IRX1: variants seen among roughly 807,000 people sequenced by gnomAD.
IRX1 encodes iroquois homeobox 1.
IRX1 carries 22 observed loss-of-function variants against 34.1 expected under a neutral mutation model. The ratio of observed to expected loss-of-function variants is 0.64; its 90% CI spans 0.46 to 0.92. IRX1 has a LOEUF of 0.92. Ranked by LOEUF, IRX1 falls within the 40% of genes least tolerant of loss-of-function variation. IRX1 has a pLI of 0.00. For missense variants in IRX1, 758 were observed against 680.0 expected (o/e 1.11, Z -1.28); for synonymous variants, 363 against 319.0 (o/e 1.14, Z -1.47).
In IRX1 at chr5:3,601,213, C is replaced by T. The variant is rs566509194; in HGVS notation, c.*173C>T. 3.0e-6 allele frequency: 2 copies of T among 667,916 alleles called. No individual in the cohort carries two copies. The highest frequency in any genetic ancestry group is 5.2e-6 in the Non-Finnish European group (2 of 386,364). The allele number at this position is 667,916 out of a possible 1,614,324, so 41.4% of individuals were successfully genotyped here. A position where few individuals can be genotyped will look rare whatever the true frequency, so the allele number is the denominator to read the frequency against. ...AGAAAGGGGCTTCTTCGGTCCCGAGCTCGCGTCCAGGTGGCCAGGCCTCTG... is the reference window on the plus strand; with the variant it reads ...AGAAAGGGGCTTCTTCGGTCCCGAGTTCGCGTCCAGGTGGCCAGGCCTCTG... On this transcript the variant is annotated 3_prime_UTR_variant, in exon 4 of 4. Coordinates refer to ENST00000302006, the MANE Select transcript of IRX1 (RefSeq NM_024337.4).
rs1269537611 is a variant in IRX1 at position 3,599,674 on chromosome 5, C to A, written c.726C>A (p.Asn242Lys). ...ACGAGCACGATGGCGACCAGAGCAA[C>A]GAGGATGACGAGGACAAGGCCGAGG... ...KIDEHDGDQS[N>K]EDDEDKAEAP... Residue 242 changes from asparagine to lysine, a missense_variant, in exon 2 of 4, where the codon AAC (asparagine) becomes AAA (lysine). Around this residue, in one of 3 missense-constraint regions of IRX1, gnomAD observed 529 missense variants for 418.8 expected, o/e 1.26. Coordinates refer to ENST00000302006, the MANE Select transcript of IRX1 (RefSeq NM_024337.4). This position sits in a 1 kb window ranked among gnomAD's most constrained non-coding sequence, Gnocchi z 6.6. 1 of 1,613,412 alleles carries A rather than the reference C, an allele frequency of 6.2e-7. No homozygotes were observed. The highest frequency in any genetic ancestry group is 1.3e-5 in the African/African-American group (1 of 74,930).
rs539540642 is a variant in IRX1 at position 3,601,064 on chromosome 5, C to CG, written c.*31dup. On this transcript the variant is annotated 3_prime_UTR_variant, in exon 4 of 4. Coordinates refer to ENST00000302006, the MANE Select transcript of IRX1 (RefSeq NM_024337.4). The stretch of plus-strand genomic sequence containing the variant: ...GATTAAGGGTCTTCTTTTACTTTTG[C>CG]GGGGGGGAGGGGGGAGGAGTTGGGG... The CG allele has an allele frequency of 5.6e-5, 55 of 984,420 alleles. No homozygotes were observed. The East Asian group carries it at 1.4e-3, about 25-fold the overall frequency. The allele number at this position is 984,420 out of a possible 1,614,324, so 61.0% of individuals were successfully genotyped here. A position where few individuals can be genotyped will look rare whatever the true frequency, so the allele number is the denominator to read the frequency against.
rs1369354109 is a variant in IRX1, at chr5:3,595,890, G to A, written c.-216G>A. On this transcript the variant is annotated 5_prime_UTR_variant, in exon 1 of 4. Transcript: ENST00000302006. ...GCCGCCGCAGTCGGCGCGCGATTGC[G>A]GATCCGGGCGCAGCCGGGAGCCGGG... Among the ~76,000 whole-genome samples, 1 of 150,986 alleles carries A rather than the reference G, an allele frequency of 6.6e-6. No individual in the cohort carries two copies. The highest frequency in any genetic ancestry group is 1.5e-5 in the Non-Finnish European group (1 of 67,590).
chr5:3,601,045 G>A lies in IRX1; in HGVS notation c.*5G>A, dbSNP rs778539838. ...GCAGCCCTCCCGTCCGCCTGATTAAGGGTCTTCTTTTACTTTTGCGGGGGG... is the reference window on the plus strand; with the variant it reads ...GCAGCCCTCCCGTCCGCCTGATTAAAGGTCTTCTTTTACTTTTGCGGGGGG... On this transcript the variant is annotated 3_prime_UTR_variant, in exon 4 of 4. Transcript: ENST00000302006. 1.2e-6 allele frequency: 2 copies of A among 1,610,976 alleles called. No homozygotes were observed. Among genetic ancestry groups the A allele is most frequent in the South Asian group, 1.1e-5 (1 of 90,934 alleles).
chr5:3,598,241 T>G (rs72725060), intron 1 of IRX1, among the ~76,000 whole-genome samples: 14,676 of 152,260 alleles, frequency 0.096, 1,090 homozygotes, highest in Admixed American at 0.2. Flanking sequence ...AATGAGGTTG[T>G]TAGAAAGATA....
rs756315432 is a variant in IRX1, at chr5:3,596,309, G to T, written c.204G>T (p.Gly68=). Residue 68 remains glycine (G), a synonymous_variant, in exon 1 of 4, where the codon GGG becomes GGT. Coordinates refer to ENST00000302006, the MANE Select transcript of IRX1 (RefSeq NM_024337.4). ...TGCTGGGCATGTACGCGGCGGCGGGGCCGTACGCGGGCGCGCCCAACTACA... is the reference window on the plus strand; with the variant it reads ...TGCTGGGCATGTACGCGGCGGCGGGTCCGTACGCGGGCGCGCCCAACTACA... ...TSVLGMYAAA[G]PYAGAPNYSA... 2.0e-6 allele frequency: 3 copies of T among 1,478,040 alleles called. No individual in the cohort carries two copies. The highest frequency in any genetic ancestry group is 2.5e-4 in the Middle Eastern group (1 of 4,044). 91.6% of individuals were successfully genotyped at this position (1,478,040 alleles called of 1,614,324 possible).
intron 1 of IRX1, among the ~76,000 whole-genome samples, chr5:3,597,341 G>C (rs1733806567): frequency 6.6e-6 from 1 of 152,162 alleles, no homozygotes; most frequent in Admixed American, 6.5e-5. Flanking sequence ...TGCGGCGGGC[G>C]CGGGGCCCTG....
chr5:3,596,033 C>A lies in IRX1; in HGVS notation c.-73C>A. 1.0e-6 allele frequency: 1 copy of A among 977,298 alleles called. No individual in the cohort carries two copies. Among genetic ancestry groups the A allele is most frequent in the South Asian group, 4.7e-5 (1 of 21,354 alleles). 60.5% of individuals were successfully genotyped at this position (977,298 alleles called of 1,614,324 possible). On this transcript the variant is annotated 5_prime_UTR_variant, in exon 1 of 4. Coordinates refer to ENST00000302006, the MANE Select transcript of IRX1 (RefSeq NM_024337.4). ...CCCTCGCGGCGCCCCCTGCAACCCC[C>A]TCCGGCCGGCCTCCGCCTCCCTCCC... is the stretch of plus-strand genomic sequence containing the variant.
At position 3,599,651 on chromosome 5, in the gene IRX1, G is replaced by A. The variant is rs748110507; in HGVS notation, c.703G>A (p.Glu235Lys). 7 of 1,613,792 alleles carry A rather than the reference G, an allele frequency of 4.3e-6. No homozygotes were observed. The highest frequency in any genetic ancestry group is 5.9e-6 in the Non-Finnish European group (7 of 1,180,020). The part of the protein sequence containing the change: ...LESIDIDKID[E>K]HDGDQSNEDD... ...AAGCATCGACATTGACAAGATCGACGAGCACGATGGCGACCAGAGCAACGA... is the reference window on the plus strand; with the variant it reads ...AAGCATCGACATTGACAAGATCGACAAGCACGATGGCGACCAGAGCAACGA... The change falls in exon 2 of 4, where the codon GAG (glutamate) becomes AAG (lysine). Residue 235 changes from glutamate to lysine, a missense_variant. Glu to Lys is a moderately conservative substitution (Grantham distance 56). This residue lies in a region of IRX1 where 529 missense variants were observed against 418.8 expected (regional missense o/e 1.26). Transcript: ENST00000302006. This position sits in a 1 kb window ranked among gnomAD's most constrained non-coding sequence, Gnocchi z 6.6.
rs1336599063 is a variant in IRX1 at position 3,599,797 on chromosome 5, C to T, written c.849C>T (p.Gly283=). Residue 283 remains glycine, a synonymous_variant, in exon 2 of 4, where the codon GGC becomes GGT. Transcript: ENST00000302006. This position sits in a 1 kb window ranked among gnomAD's most constrained non-coding sequence, Gnocchi z 6.6. ...DVLKPQDSPL[G]LAKEAPEPGS... ...TCAAGCCCCAGGACTCGCCCTTGGG[C>T]CTGGCAAAGGAGGCCCCAGAGCCGG... 6.9e-6 allele frequency: 11 copies of T among 1,597,034 alleles called. No homozygotes were observed. Among genetic ancestry groups the T allele is most frequent in the African/African-American group, 2.7e-5 (2 of 74,668 alleles).
chr5:3,599,428 G>A lies in IRX1; in HGVS notation c.480G>A (p.Lys160=). ...RKNPYPTKGE[K]IMLAIITKMT... is the part of the protein sequence containing the mutation. Reference sequence around the variant, plus strand: ...ATCCCTACCCCACCAAGGGCGAGAAGATCATGCTGGCCATCATCACCAAGA... The same window carrying A: ...ATCCCTACCCCACCAAGGGCGAGAAAATCATGCTGGCCATCATCACCAAGA... The change falls in exon 2 of 4, where the codon AAG becomes AAA. Residue 160 remains lysine (K), a synonymous_variant. Coordinates refer to ENST00000302006, the MANE Select transcript of IRX1 (RefSeq NM_024337.4). This position sits in a 1 kb window ranked among gnomAD's most constrained non-coding sequence, Gnocchi z 6.6. 6.2e-7 allele frequency: 1 copy of A among 1,614,102 alleles called. No individual in the cohort carries two copies. The highest frequency in any genetic ancestry group is 8.5e-7 in the Non-Finnish European group (1 of 1,180,034).
chr5:3,597,864 G>A (rs538057168), intron 1 of IRX1, among the ~76,000 whole-genome samples: 3 of 152,160 alleles, frequency 2.0e-5, no homozygotes, highest in African/African-American at 7.2e-5. Flanking sequence ...CATTTTTTCA[G>A]AGGATGAATA....
chr5:3,596,030 C>A lies in IRX1; in HGVS notation c.-76C>A. ...GACCCCTCGCGGCGCCCCCTGCAAC[C>A]CCCTCCGGCCGGCCTCCGCCTCCCT... On this transcript the variant is annotated 5_prime_UTR_variant, in exon 1 of 4. Transcript: ENST00000302006. 2 of 959,480 alleles carry A rather than the reference C, an allele frequency of 2.1e-6. No homozygotes were observed. Among genetic ancestry groups the A allele is most frequent in the Non-Finnish European group, 2.5e-6 (2 of 800,584 alleles). The allele number at this position is 959,480 out of a possible 1,614,324, so 59.4% of individuals were successfully genotyped here.
rs1263030959 is a variant in IRX1, at chr5:3,600,612, G to C, written c.1316G>C (p.Arg439Thr). 1.9e-6 allele frequency: 3 copies of C among 1,613,632 alleles called. No individual in the cohort carries two copies. The highest frequency in any genetic ancestry group is 3.3e-5 in the Admixed American group (2 of 60,028). The change falls in exon 3 of 4, where the codon AGA becomes ACA. Residue 439 changes from arginine to threonine, a missense_variant. Transcript: ENST00000302006. The part of the protein sequence containing the change: ...SVRSSPTLPE[R>T]DLVPRPDSPA... ...TGCCTCTTCCGATCTCTCGCAGAGA[G>C]AGACCTCGTCCCCAGGCCAGATTCG...
intron 1 of IRX1, among the ~76,000 whole-genome samples, chr5:3,598,576 A>G (rs752106881): frequency 2.6e-5 from 4 of 152,214 alleles, no homozygotes; most frequent in Admixed American, 1.3e-4. Flanking sequence ...AAAATTTTAA[A>G]TTACCTGTCA....
chr5:3,596,338 C>A lies in IRX1; in HGVS notation c.233C>A (p.Ala78Asp). 1 of 1,531,300 alleles carries A rather than the reference C, an allele frequency of 6.5e-7. No individual in the cohort carries two copies. Among genetic ancestry groups the A allele is most frequent in the East Asian group, 2.7e-5 (1 of 36,978 alleles). The allele number at this position is 1,531,300 out of a possible 1,614,324, so 94.9% of individuals were successfully genotyped here. ...GPYAGAPNYSAFLPYAADLSL... is the reference protein window; with the variant it reads ...GPYAGAPNYSDFLPYAADLSL... ...TACGCGGGCGCGCCCAACTACAGCG[C>A]CTTCCTGCCCTACGCCGCGGATCTC... is the stretch of plus-strand genomic sequence containing the variant. The change falls in exon 1 of 4, where the codon GCC (alanine) becomes GAC (aspartate). Residue 78 changes from alanine (A) to aspartate (D), a missense_variant. By Grantham distance (126) the Ala-to-Asp change is moderately radical (BLOSUM62 -2). Transcript: ENST00000302006.
At position 3,600,106 on chromosome 5, in the gene IRX1, C is replaced by T; in HGVS notation, c.1158C>T (p.Leu386=). Residue 386 remains leucine (L), a synonymous_variant, in exon 2 of 4, where the codon CTC becomes CTT. Coordinates refer to ENST00000302006, the MANE Select transcript of IRX1 (RefSeq NM_024337.4). ...CATTCCTCGCACAGGGCTCCCTGCT[C>T]AACATGCGCTCCTTCCTGGGCGTTG... ...NSAFLAQGSL[L]NMRSFLGVGA... The T allele has an allele frequency of 6.2e-7, 1 of 1,613,378 alleles. No individual in the cohort carries two copies. Among genetic ancestry groups the T allele is most frequent in the Non-Finnish European group, 8.5e-7 (1 of 1,179,886 alleles).
rs1390004879 is a variant in IRX1 at position 3,596,282 on chromosome 5, G to C, written c.177G>C (p.Ser59=). ...GGGCAGGCGCGGCTGCAGTCACCTCGGTGCTGGGCATGTACGCGGCGGCGG... is the reference window on the plus strand; with the variant it reads ...GGGCAGGCGCGGCTGCAGTCACCTCCGTGCTGGGCATGTACGCGGCGGCGG... ...GGGAGAAAVT[S]VLGMYAAAGP... Residue 59 remains serine, a synonymous_variant, in exon 1 of 4, where the codon TCG becomes TCC. Coordinates refer to ENST00000302006, the MANE Select transcript of IRX1 (RefSeq NM_024337.4). The C allele has an allele frequency of 7.5e-7, 1 of 1,328,720 alleles. No homozygotes were observed. The highest frequency in any genetic ancestry group is 9.6e-7 in the Non-Finnish European group (1 of 1,039,282). The allele number at this position is 1,328,720 out of a possible 1,614,324, so 82.3% of individuals were successfully genotyped here. A position where few individuals can be genotyped will look rare whatever the true frequency, so the allele number is the denominator to read the frequency against.
chr5:3,598,036 A>G (rs1278680970), intron 1 of IRX1, among the ~76,000 whole-genome samples: 1 of 152,130 alleles, frequency 6.6e-6, no homozygotes, highest in East Asian at 1.9e-4. Context: ...CTAGAGGGAT[A>G]ATATGTAAAA....
Sources: gnomAD v4.1 joint callset for allele counts (sites outside exome capture counted in the v4.1 genomes callset) on GRCh38, gnomAD v4.1.1 for gene constraint, gnomAD v4.1.1 regional missense constraint, Gnocchi (gnomAD v3.1) non-coding constraint, MANE v1.5 for transcripts, NCBI Gene and HGNC (gene_info 2026-07-23, HGNC 2026-07-21) for gene names.